RYR3: variants seen among roughly 807,000 people sequenced by gnomAD.
RYR3 encodes ryanodine receptor 3.
A neutral mutation model predicts 584.3 loss-of-function variants in RYR3; 207 were observed. That is an observed-to-expected ratio of 0.35 (90% CI 0.32 to 0.40). The LOEUF is 0.40. RYR3 is among the 10% of genes least tolerant of loss of function. RYR3 has a pLI of 1.00. For synonymous variants in RYR3, 2,416 were observed against 2,248.5 expected, an observed-to-expected ratio of 1.07 and a Z score of -2.11; for missense variants, 5,616 against 6,089.2, an observed-to-expected ratio of 0.92 and a Z score of 2.59.
chr15:33,370,689 G>A (rs2040268403), intron 1 of RYR3, among the ~76,000 whole-genome samples: 1 of 152,196 alleles, frequency 6.6e-6, no homozygotes, highest in African/African-American at 2.4e-5. Flanking sequence ...ACAAGCAAGG[G>A]TGTGAGCCAG....
intron 40 of RYR3, among the ~76,000 whole-genome samples, chr15:33,699,319 T>A (rs2066114426): frequency 7.6e-6 from 1 of 132,338 alleles, no homozygotes; most frequent in Non-Finnish European, 1.6e-5. Context: ...TTTCCTCACT[T>A]TCTCTCCTCA....
chr15:33,585,484 T>C (rs902771997), intron 15 of RYR3, among the ~76,000 whole-genome samples: 1 of 152,184 alleles, frequency 6.6e-6, no homozygotes, highest in Non-Finnish European at 1.5e-5. Flanking sequence ...AAATAGACTT[T>C]ATTGTGTGAG....
intron 98 of RYR3, among the ~76,000 whole-genome samples, 195 bp downstream of exon 98, chr15:33,855,107 T>C (rs1400354079): frequency 6.6e-6 from 1 of 152,152 alleles, no homozygotes; most frequent in Non-Finnish European, 1.5e-5. Flanking sequence ...GCAACCATCA[T>C]CTAAAAAGCA....
At chr15:33,425,790 C>A (rs189596621) in intron 1 of RYR3, among the ~76,000 whole-genome samples, 1 of 151,772 alleles carries the variant, frequency 6.6e-6, no homozygotes, top group South Asian at 2.1e-4. Flanking sequence ...TACAGGCGCC[C>A]GCCACCACAC....
At chr15:33,669,270 TGTAA>T (rs2063674722) in intron 36 of RYR3, 80 bp from the exon 37 acceptor site, 6 of 969,938 alleles carry the variant, frequency 6.2e-6, no homozygotes, top group African/African-American at 1.7e-5. Flanking sequence ...TTGAAAAGAA[TGTAA>T]GTGTCTGTCT....
chr15:33,333,781 A>G (rs1595746222), intron 1 of RYR3, among the ~76,000 whole-genome samples: 2 of 152,328 alleles, frequency 1.3e-5, no homozygotes, highest in African/African-American at 4.8e-5. Context: ...ACATGTTCCT[A>G]TATCTAGAAA....
chr15:33,857,068 A>C (rs1271536870), intron 98 of RYR3, among the ~76,000 whole-genome samples: 1 of 152,148 alleles, frequency 6.6e-6, no homozygotes, highest in African/African-American at 2.4e-5. Flanking sequence ...TCCTCACAGC[A>C]CCTGCACTAT....
At chr15:33,834,283 TAAAC>T (rs2077878858) in intron 86 of RYR3, among the ~76,000 whole-genome samples, 1 of 67,926 alleles carries the variant, frequency 1.5e-5, no homozygotes, top group Non-Finnish European at 3.0e-5. Flanking sequence ...AAATCTGTCT[TAAAC>T]ACACACACAC....
At chr15:33,605,197 T>C (rs747802895) in intron 18 of RYR3, among the ~76,000 whole-genome samples, 19 of 152,262 alleles carry the variant, frequency 1.2e-4, no homozygotes, top group Admixed American at 2.6e-4. Flanking sequence ...AGTGTATTCC[T>C]GTATCCCTTT....
chr15:33,587,273 T>C (rs1483593786), intron 16 of RYR3, among the ~76,000 whole-genome samples: 2 of 152,206 alleles, frequency 1.3e-5, no homozygotes, highest in Non-Finnish European at 2.9e-5. Context: ...CCTTCCTGTC[T>C]GCGAAGTGTA....
chr15:33,749,377 T>C (rs1158657511), intron 55 of RYR3, among the ~76,000 whole-genome samples: 1 of 152,188 alleles, frequency 6.6e-6, no homozygotes, highest in Non-Finnish European at 1.5e-5. Flanking sequence ...CTGTACACAC[T>C]GGTGGCTGTG....
chr15:33,704,128 G>A (rs373592665), intron 42 of RYR3, among the ~76,000 whole-genome samples: 1 of 152,112 alleles, frequency 6.6e-6, no homozygotes, highest in East Asian at 1.9e-4. Flanking sequence ...ACAAAAGTTA[G>A]CCAGGCATGG....
chr15:33,706,993 C>T lies in RYR3; in HGVS notation c.6558C>T (p.Gly2186=). 6.2e-7 allele frequency: 1 copy of T among 1,613,918 alleles called. No homozygotes were observed. Among genetic ancestry groups the T allele is most frequent in the Non-Finnish European group, 8.5e-7 (1 of 1,179,928 alleles). The part of the protein sequence containing the change: ...MLLAKGYPDV[G]WNPIEGERYL... ...TGGCCAAAGGATACCCTGATGTCGG[C>T]TGGAACCCCATTGAAGGGGAACGCT... Residue 2186 remains glycine (G), a synonymous_variant, in exon 43 of 104, where the codon GGC becomes GGT. Transcript: ENST00000634891.
chr15:33,381,237 AG>A (rs1318453687), intron 1 of RYR3, among the ~76,000 whole-genome samples: 1 of 152,176 alleles, frequency 6.6e-6, no homozygotes, highest in Non-Finnish European at 1.5e-5. Flanking sequence ...AAGTGATCTT[AG>A]AAATGCCCGA....
At chr15:33,706,872 G>A (rs2066755030) in intron 42 of RYR3, 47 bp from the exon 43 acceptor site, 1 of 1,516,604 alleles carries the variant, frequency 6.6e-7, no homozygotes, top group Non-Finnish European at 8.9e-7. Flanking sequence ...TTTTTTAATA[G>A]CCATCCTAAT....
intron 1 of RYR3, among the ~76,000 whole-genome samples, chr15:33,317,634 G>A (rs1394970863): frequency 1.3e-5 from 2 of 152,178 alleles, no homozygotes; most frequent in Non-Finnish European, 2.9e-5. Flanking sequence ...AGCCTCTTGA[G>A]ATGCCAAGAT....
rs150637754 is a variant in RYR3 at position 33,318,270 on chromosome 15, T to A, written c.51+7174T>A. Among the ~76,000 whole-genome samples, 207 of 152,352 alleles carry A rather than the reference T, an allele frequency of 1.4e-3. No homozygotes were observed. In the Middle Eastern group the frequency reaches 0.014, roughly 10 times the overall value. Reference sequence around the variant, plus strand: ...AGTATTATGAGCAAGGCAGCACACCTGTTATAAAAGTGTAGAGATGAAAGT... The same window carrying A: ...AGTATTATGAGCAAGGCAGCACACCAGTTATAAAAGTGTAGAGATGAAAGT... On this transcript the variant is annotated intron_variant, in intron 1 of 103. Transcript: ENST00000634891.
intron 8 of RYR3, among the ~76,000 whole-genome samples, chr15:33,544,873 AT>A (rs3842663): frequency 0.45 from 68,353 of 151,830 alleles, 16,467 homozygotes; most frequent in Middle Eastern, 0.57. Flanking sequence ...GTTGATAGTT[AT>A]CTCGATTAGG....
intron 70 of RYR3, among the ~76,000 whole-genome samples, chr15:33,808,236 C>T (rs999246895): frequency 6.6e-6 from 1 of 152,224 alleles, no homozygotes; most frequent in Non-Finnish European, 1.5e-5. Context: ...ATCTGGTTAG[C>T]TCAGAGGCTT....
Sources: gnomAD v4.1 joint callset for allele counts (sites outside exome capture counted in the v4.1 genomes callset) on GRCh38, gnomAD v4.1.1 for gene constraint, MANE v1.5 for transcripts, NCBI Gene and HGNC (gene_info 2026-07-23, HGNC 2026-07-21) for gene names.